B3GALT1: variants seen among roughly 807,000 people sequenced by gnomAD.
The protein encoded by B3GALT1 is UDP-Gal:betaGlcNAc beta 1,3-galactosyltransferase, polypeptide 1.
A neutral mutation model predicts 23.2 loss-of-function variants in B3GALT1; 10 were observed. The observed-to-expected ratio is 0.43, with a 90% confidence interval of 0.27 to 0.73. B3GALT1 has a LOEUF of 0.73. Among genes scored for constraint, B3GALT1 ranks in the 30% least tolerant of loss-of-function variants. The pLI is 0.21. For synonymous variants in B3GALT1, 156 were observed against 141.5 expected, an observed-to-expected ratio of 1.10 and a Z score of -0.73; for missense variants, 299 against 405.4, an observed-to-expected ratio of 0.74 and a Z score of 2.25.
intron 4 of B3GALT1, among the ~76,000 whole-genome samples, chr2:167,831,291 TCTC>T (rs1382076349): frequency 6.6e-6 from 1 of 152,090 alleles, no homozygotes; most frequent in Non-Finnish European, 1.5e-5. Context: ...TAATGGAAAA[TCTC>T]CTTTATACGA....
At chr2:167,545,499 G>A (rs926601229) in intron 2 of B3GALT1, among the ~76,000 whole-genome samples, 2 of 152,176 alleles carry the variant, frequency 1.3e-5, no homozygotes, top group East Asian at 3.9e-4. Context: ...ATTGGTTGAA[G>A]TTTCAATCCC....
intron 1 of B3GALT1, among the ~76,000 whole-genome samples, chr2:167,468,297 A>G (rs1055610297): frequency 5.3e-5 from 8 of 152,198 alleles, no homozygotes; most frequent in Non-Finnish European, 1.0e-4. Flanking sequence ...CAGGGACACT[A>G]TAAGAAAAGA....
At chr2:167,702,696 A>G (rs752293278) in intron 3 of B3GALT1, among the ~76,000 whole-genome samples, 2 of 152,212 alleles carry the variant, frequency 1.3e-5, no homozygotes, top group African/African-American at 2.4e-5. Context: ...TTATTCCCTG[A>G]AGTACATTAT....
At chr2:167,509,058 A>T (rs1445354099) in intron 2 of B3GALT1, among the ~76,000 whole-genome samples, 2 of 152,210 alleles carry the variant, frequency 1.3e-5, no homozygotes, top group Non-Finnish European at 2.9e-5. Flanking sequence ...GGAAGGATGG[A>T]TGTCAATTAA....
intron 4 of B3GALT1, among the ~76,000 whole-genome samples, chr2:167,823,730 G>C (rs776455122): frequency 1.3e-5 from 2 of 152,206 alleles, no homozygotes; most frequent in Non-Finnish European, 2.9e-5. Flanking sequence ...ACACAGGCCA[G>C]TGGGGGAACC....
rs1279051031 is a variant in B3GALT1 at position 167,298,985 on chromosome 2, A to C, written c.-511+5651A>C. 3.9e-5 allele frequency among the ~76,000 whole-genome samples: 6 copies of C among 152,110 alleles called. No homozygotes were observed. The East Asian group carries it at 7.7e-4, about 19-fold the overall frequency. On this transcript the variant is annotated intron_variant, in intron 1 of 4. Coordinates refer to ENST00000392690, the MANE Select transcript of B3GALT1 (RefSeq NM_020981.4). The stretch of plus-strand genomic sequence containing the variant: ...CTTGGTTCTCAAAGAAAAGAAAAAA[A>C]CAAACCTATTGCTAGATTCTCTCAG...
At chr2:167,320,425 G>T (rs1422375725) in intron 1 of B3GALT1, among the ~76,000 whole-genome samples, 1 of 151,892 alleles carries the variant, frequency 6.6e-6, no homozygotes, top group Non-Finnish European at 1.5e-5. Flanking sequence ...CCAGACCTCA[G>T]GTGATCTGCC....
chr2:167,498,344 A>T (rs941827594), intron 2 of B3GALT1, among the ~76,000 whole-genome samples: 5 of 152,168 alleles, frequency 3.3e-5, no homozygotes, highest in Admixed American at 2.0e-4. Flanking sequence ...GAGTCTCTTC[A>T]ACAACTCCTT....
At chr2:167,746,377 A>G (rs763331549) in intron 3 of B3GALT1, among the ~76,000 whole-genome samples, 18 of 152,236 alleles carry the variant, frequency 1.2e-4, no homozygotes, top group Non-Finnish European at 2.5e-4. Flanking sequence ...ATCTTACTGC[A>G]TTGATTTGTT....
At chr2:167,366,361 G>T (rs1697584140) in intron 1 of B3GALT1, among the ~76,000 whole-genome samples, 1 of 152,180 alleles carries the variant, frequency 6.6e-6, no homozygotes, top group African/African-American at 2.4e-5. Flanking sequence ...AATAGGCTCA[G>T]ATATATAGAA....
chr2:167,350,746 G>T (rs1697296706), intron 1 of B3GALT1, among the ~76,000 whole-genome samples: 1 of 152,132 alleles, frequency 6.6e-6, no homozygotes, highest in Non-Finnish European at 1.5e-5. Context: ...GTTCCGCATG[G>T]ATATAGCCAC....
chr2:167,554,358 A>C (rs1683806218), intron 2 of B3GALT1, among the ~76,000 whole-genome samples: 1 of 152,206 alleles, frequency 6.6e-6, no homozygotes, highest in African/African-American at 2.4e-5. Flanking sequence ...TATAAGGAAG[A>C]GTGATTGATA....
chr2:167,335,552 C>T (rs982056104), intron 1 of B3GALT1, among the ~76,000 whole-genome samples: 6 of 152,046 alleles, frequency 3.9e-5, no homozygotes, highest in East Asian at 1.9e-4. Flanking sequence ...CATGAGTTTC[C>T]GGGGAAGGGG....
chr2:167,620,446 A>T (rs1217549235), intron 2 of B3GALT1, among the ~76,000 whole-genome samples: 1 of 152,104 alleles, frequency 6.6e-6, no homozygotes, highest in African/African-American at 2.4e-5. Flanking sequence ...TTCTGAGCAA[A>T]ATACAAAATC....
intron 3 of B3GALT1, among the ~76,000 whole-genome samples, chr2:167,690,943 G>A (rs1165461557): frequency 6.6e-6 from 1 of 152,036 alleles, no homozygotes; most frequent in African/African-American, 2.4e-5. Flanking sequence ...CTCTCTGGCT[G>A]AATTGCAACA....
At chr2:167,453,321 C>A (rs966935449) in intron 1 of B3GALT1, among the ~76,000 whole-genome samples, 1 of 152,186 alleles carries the variant, frequency 6.6e-6, no homozygotes, top group African/African-American at 2.4e-5. Context: ...CAGGTAATCC[C>A]ACCTCTGTTC....
chr2:167,827,862 G>T (rs941482737), intron 4 of B3GALT1, among the ~76,000 whole-genome samples: 2 of 152,092 alleles, frequency 1.3e-5, no homozygotes, highest in Admixed American at 1.3e-4. Context: ...TTCTGAGAGG[G>T]TTTCACTGAG....
At chr2:167,602,669 T>A (rs1416791506) in intron 2 of B3GALT1, among the ~76,000 whole-genome samples, 1 of 152,222 alleles carries the variant, frequency 6.6e-6, no homozygotes, top group Non-Finnish European at 1.5e-5. Context: ...GAACAGTGGA[T>A]TAAATATTTT....
intron 2 of B3GALT1, among the ~76,000 whole-genome samples, chr2:167,535,313 G>A (rs942469801): frequency 6.6e-6 from 1 of 152,088 alleles, no homozygotes; most frequent in African/African-American, 2.4e-5. Context: ...TTATGAAAGT[G>A]GTGACCCTGG....
Sources: gnomAD v4.1 joint callset for allele counts (sites outside exome capture counted in the v4.1 genomes callset) on GRCh38, gnomAD v4.1.1 for gene constraint, MANE v1.5 for transcripts, NCBI Gene and HGNC (gene_info 2026-07-23, HGNC 2026-07-21) for gene names.